The following TMPRSS11A variants were observed in gnomAD, a reference collection of about 807,000 sequenced individuals.
The protein encoded by TMPRSS11A is transmembrane serine protease 11A.
A neutral mutation model predicts 58.9 loss-of-function variants in TMPRSS11A; 53 were observed. That is an observed-to-expected ratio of 0.90 (90% CI 0.72 to 1.13). The LOEUF is 1.13. Among genes scored for constraint, TMPRSS11A ranks in the 50% most tolerant of loss-of-function variants. The pLI is 0.00. For synonymous variants in TMPRSS11A, 167 were observed against 169.8 expected (o/e 0.98, Z 0.13); for missense variants, 493 against 499.3 (o/e 0.99, Z 0.12).
intron 1 of TMPRSS11A, among the ~76,000 whole-genome samples, chr4:67,954,551 T>C (rs1158325660): frequency 6.6e-6 from 1 of 152,254 alleles, no homozygotes; most frequent in Non-Finnish European, 1.5e-5. Context: ...TAACTCCCTC[T>C]CACCTTGAGA....
At chr4:67,948,290 C>G (rs2109764481) in intron 1 of TMPRSS11A, among the ~76,000 whole-genome samples, 2 of 151,718 alleles carry the variant, frequency 1.3e-5, no homozygotes, top group Non-Finnish European at 2.9e-5. Context: ...TCCTGAATAG[C>G]TGGGACTAAA....
In TMPRSS11A at chr4:67,918,981, T is replaced by TA. The variant is rs1305988456; in HGVS notation, c.943dup (p.Tyr315LeufsTer9). On this transcript the variant is annotated frameshift_variant, in exon 8 of 10. Coordinates refer to ENST00000508048, the MANE Select transcript of TMPRSS11A (RefSeq NM_001114387.2). LOFTEE classifies it high-confidence loss of function. Reference sequence around the variant, plus strand: ...TATCCTGAGATACCCACCACCATAGTAAAGTGCTCCAAATCCTGTGATGTG... The same window carrying TA: ...TATCCTGAGATACCCACCACCATAGTAAAAGTGCTCCAAATCCTGTGATGTG... The TA allele has an allele frequency of 6.2e-7, 1 of 1,614,076 alleles. No individual in the cohort carries two copies. Among genetic ancestry groups the TA allele is most frequent in the Non-Finnish European group, 8.5e-7 (1 of 1,179,998 alleles).
intron 4 of TMPRSS11A, 134 bp from the exon 5 acceptor site, chr4:67,930,174 C>A: frequency 1.5e-6 from 1 of 660,174 alleles, no homozygotes. Context: ...TCATGTCATT[C>A]TGACCCAAGG....
chr4:67,916,226 A>T (rs1352586303), intron 8 of TMPRSS11A, among the ~76,000 whole-genome samples: 1 of 152,196 alleles, frequency 6.6e-6, no homozygotes, highest in Non-Finnish European at 1.5e-5. Flanking sequence ...ATACTTCAAC[A>T]CATTATGTTG....
At chr4:67,960,133 C>T (rs2011910) in intron 1 of TMPRSS11A, among the ~76,000 whole-genome samples, 152,036 of 152,270 alleles carry the variant, frequency 1, 75,902 homozygotes, top group Middle Eastern at 1. Context: ...GACATAAACA[C>T]GGGAATAATG....
intron 5 of TMPRSS11A, among the ~76,000 whole-genome samples, chr4:67,928,907 T>C (rs1031966662): frequency 2.6e-5 from 4 of 152,208 alleles, no homozygotes; most frequent in African/African-American, 7.2e-5. Flanking sequence ...TCTATACTTG[T>C]CTGTTGGAAG....
chr4:67,963,474 GTAT>G lies in TMPRSS11A; in HGVS notation c.-84_-82del. The stretch of plus-strand genomic sequence containing the variant: ...AATCAACTATATGACATCTCTAGAT[GTAT>G]TAGAAGTCTACGGCTCAAAGAAATA... On this transcript the variant is annotated 5_prime_UTR_variant, in exon 1 of 10. Coordinates refer to ENST00000508048, the MANE Select transcript of TMPRSS11A (RefSeq NM_001114387.2). The G allele has an allele frequency of 6.8e-7, 1 of 1,460,676 alleles. No homozygotes were observed. Among genetic ancestry groups the G allele is most frequent in the East Asian group, 2.3e-5 (1 of 43,534 alleles). The allele number at this position is 1,460,676 out of a possible 1,614,324, so 90.5% of individuals were successfully genotyped here.
At position 67,946,568 on chromosome 4, in the gene TMPRSS11A, T is replaced by A. The variant is rs770270504; in HGVS notation, c.15A>T (p.Thr5=). MMYR[T]VGFGTRSRNL... is the part of the protein sequence containing the mutation. ...TTCTGCTTCGGGTGCCAAATCCCAC[T>A]GTCCTGAGAAAAGGAAGGGCCCACT... is the stretch of plus-strand genomic sequence containing the variant. The change falls in exon 2 of 10, where the codon ACA becomes ACT. Residue 5 remains threonine (T), a synonymous_variant. Transcript: ENST00000508048. 1 of 1,608,896 alleles carries A rather than the reference T, an allele frequency of 6.2e-7. No homozygotes were observed. Among genetic ancestry groups the A allele is most frequent in the South Asian group, 1.1e-5 (1 of 90,062 alleles).
intron 8 of TMPRSS11A, among the ~76,000 whole-genome samples, chr4:67,918,148 A>T (rs753904746): frequency 6.6e-6 from 1 of 152,222 alleles, no homozygotes; most frequent in Non-Finnish European, 1.5e-5. Context: ...TCCTGCAAAT[A>T]GATTTAGTCA....
Position 67,910,944 on chromosome 4 carries a change from G to A in TMPRSS11A, c.*398C>T, listed in dbSNP as rs1388899617. The A allele has an allele frequency of 6.4e-6, 1 of 155,056 alleles. No homozygotes were observed. Among genetic ancestry groups the A allele is most frequent in the Non-Finnish European group, 1.4e-5 (1 of 70,088 alleles). The allele number at this position is 155,056 out of a possible 1,614,324, so 9.6% of individuals were successfully genotyped here. On this transcript the variant is annotated 3_prime_UTR_variant, in exon 10 of 10. Coordinates refer to ENST00000508048, the MANE Select transcript of TMPRSS11A (RefSeq NM_001114387.2). The stretch of plus-strand genomic sequence containing the variant: ...AAGTATTTGTGAGCTCGAGAGAAAT[G>A]TAGGGAATTATACAAGGGTTTCTTG...
At chr4:67,914,807 T>C in intron 8 of TMPRSS11A, 77 bp from the exon 9 acceptor site, 1 of 1,265,122 alleles carries the variant, frequency 7.9e-7, no homozygotes, top group Non-Finnish European at 1.1e-6. Context: ...ACTTTCCTAA[T>C]ATTTTTTTCA....
intron 3 of TMPRSS11A, among the ~76,000 whole-genome samples, chr4:67,934,467 T>C (rs1007816): frequency 0.57 from 86,997 of 151,956 alleles, 26,541 homozygotes; most frequent in African/African-American, 0.75. Flanking sequence ...ATATTTAAAG[T>C]TGTGTGCCAG....
At chr4:67,943,307 A>T (rs757666195) in intron 3 of TMPRSS11A, among the ~76,000 whole-genome samples, 3 of 152,250 alleles carry the variant, frequency 2.0e-5, no homozygotes, top group African/African-American at 4.8e-5. Context: ...TGCTTAGTTA[A>T]CTTACAACAA....
chr4:67,951,938 G>T (rs893057708), intron 1 of TMPRSS11A, among the ~76,000 whole-genome samples: 11 of 152,144 alleles, frequency 7.2e-5, no homozygotes, highest in African/African-American at 2.4e-4. Context: ...AAAGGAAATT[G>T]TGGTTCTTTT....
In TMPRSS11A at chr4:67,930,049, C is replaced by T; in HGVS notation, c.321-9G>A. The T allele has an allele frequency of 6.3e-7, 1 of 1,599,648 alleles. No individual in the cohort carries two copies. Among genetic ancestry groups the T allele is most frequent in the Non-Finnish European group, 8.5e-7 (1 of 1,170,796 alleles). On this transcript the variant is annotated splice_polypyrimidine_tract_variant and intron_variant, in intron 4 of 9. Transcript: ENST00000508048. ...CACCATCTTCCTCTGGACTGTGACA[C>T]ACAAAAGAAAGGTACATTTTCAAAG...
At chr4:67,954,209 GAA>G (rs1443829822) in intron 1 of TMPRSS11A, among the ~76,000 whole-genome samples, 1 of 152,128 alleles carries the variant, frequency 6.6e-6, no homozygotes, top group Non-Finnish European at 1.5e-5. Flanking sequence ...AAATGAAACA[GAA>G]AAAGGGAAAA....
intron 3 of TMPRSS11A, among the ~76,000 whole-genome samples, chr4:67,934,311 T>C (rs1720700101): frequency 6.6e-6 from 1 of 152,184 alleles, no homozygotes; most frequent in Non-Finnish European, 1.5e-5. Flanking sequence ...ACATAAGTTT[T>C]ATTGTAGAAT....
chr4:67,958,765 G>T (rs371722716), intron 1 of TMPRSS11A, among the ~76,000 whole-genome samples: 27 of 152,178 alleles, frequency 1.8e-4, no homozygotes, highest in African/African-American at 6.5e-4. Flanking sequence ...GATATGGTTT[G>T]GCTGTGTCCC....
intron 1 of TMPRSS11A, among the ~76,000 whole-genome samples, chr4:67,958,441 G>A (rs1040225704): frequency 1.3e-5 from 2 of 152,222 alleles, no homozygotes; most frequent in African/African-American, 4.8e-5. Context: ...AGATCATTTT[G>A]GAGCTTTAAG....
Sources: gnomAD v4.1 joint callset for allele counts (sites outside exome capture counted in the v4.1 genomes callset) on GRCh38, gnomAD v4.1.1 for gene constraint, MANE v1.5 for transcripts, NCBI Gene and HGNC (gene_info 2026-07-23, HGNC 2026-07-21) for gene names.